The following TENM3 variants were observed in gnomAD, a reference collection of about 807,000 sequenced individuals.
The protein encoded by TENM3 is teneurin-3.
Under a neutral mutation model 255.1 loss-of-function variants are expected in TENM3, and 63 were observed. The ratio of observed to expected loss-of-function variants is 0.25; its 90% CI spans 0.20 to 0.30. The LOEUF is 0.30. Among genes scored for constraint, TENM3 ranks in the 10% least tolerant of loss-of-function variants. TENM3 has a pLI of 1.00. For missense variants in TENM3, 2,929 were observed against 3,461.1 expected (o/e 0.85, Z 3.86); for synonymous variants, 1,306 against 1,322.3 (o/e 0.99, Z 0.27).
In TENM3 at chr4:182,243,985, G is replaced by T. The variant is rs561078485; in HGVS notation, c.-76+509G>T. Among the ~76,000 whole-genome samples the T allele has an allele frequency of 2.2e-4, 26 of 116,578 alleles. No individual in the cohort carries two copies. In the South Asian group the frequency reaches 6.3e-3, roughly 28 times the overall value. The allele number at this position is 116,578 out of a possible 152,430, so 76.5% of individuals were successfully genotyped here. ...TTTTTTTTTTTTGAGACGGAATCTCGCTCTGTCGCCCAGGCTGGAGTGCAG... is the reference window on the plus strand; with the variant it reads ...TTTTTTTTTTTTGAGACGGAATCTCTCTCTGTCGCCCAGGCTGGAGTGCAG... On this transcript the variant is annotated intron_variant, in intron 1 of 27. Coordinates refer to ENST00000511685, the MANE Select transcript of TENM3 (RefSeq NM_001080477.4).
chr4:182,221,202 T>A (rs1755833479), intron 1 of TENM3, among the ~76,000 whole-genome samples: 2 of 152,242 alleles, frequency 1.3e-5, no homozygotes, highest in African/African-American at 4.8e-5. Flanking sequence ...CTTTGTTACA[T>A]GTGATAAACA....
intron 24 of TENM3, among the ~76,000 whole-genome samples, chr4:182,785,825 GGT>G (rs994541079): frequency 6.6e-6 from 1 of 150,982 alleles, no homozygotes; most frequent in Non-Finnish European, 1.5e-5. Flanking sequence ...ATAAAGATGT[GGT>G]GAAGCAAGAC....
chr4:182,673,356 G>A, intron 7 of TENM3, 137 bp downstream of exon 7: 2 of 601,376 alleles, frequency 3.3e-6, no homozygotes, highest in Non-Finnish European at 5.8e-6. Flanking sequence ...AAAGAGTTTT[G>A]AATGTAGATT....
At chr4:181,745,092 G>A in the TENM3 span, among the ~76,000 whole-genome samples, 5 of 152,222 alleles carry the variant, frequency 3.3e-5, no homozygotes, top group South Asian at 6.2e-4. Flanking sequence ...AAGGAAGATC[G>A]AGGGTTTAAA....
At chr4:181,769,023 C>T in the TENM3 span, among the ~76,000 whole-genome samples, 1 of 151,940 alleles carries the variant, frequency 6.6e-6, no homozygotes, top group African/African-American at 2.4e-5. Context: ...ATTTTTTTCT[C>T]TTTTAGCAGG....
chr4:182,590,554 A>AAG (rs1560970274), intron 3 of TENM3, among the ~76,000 whole-genome samples: 1 of 150,690 alleles, frequency 6.6e-6, no homozygotes, highest in Admixed American at 6.6e-5. Flanking sequence ...AAAAAAAAAA[A>AAG]AAAAAAAGAA....
At chr4:182,480,015 T>C (rs911622084) in intron 3 of TENM3, among the ~76,000 whole-genome samples, 1 of 152,024 alleles carries the variant, frequency 6.6e-6, no homozygotes, top group African/African-American at 2.4e-5. Flanking sequence ...AATCTATTAA[T>C]ATATTGTATT....
chr4:182,433,191 G>A (rs916132998), intron 3 of TENM3, among the ~76,000 whole-genome samples: 1 of 152,112 alleles, frequency 6.6e-6, no homozygotes, highest in Non-Finnish European at 1.5e-5. Flanking sequence ...CATGGTGAGT[G>A]GGGGAAGACA....
chr4:181,599,884 A>G, the TENM3 span, among the ~76,000 whole-genome samples: 12 of 152,158 alleles, frequency 7.9e-5, 1 homozygote, highest in South Asian at 2.5e-3. Flanking sequence ...TTGTGAATAT[A>G]TCTTACAAGC....
the TENM3 span, among the ~76,000 whole-genome samples, chr4:181,754,419 A>G: frequency 6.6e-6 from 1 of 152,032 alleles, no homozygotes; most frequent in Admixed American, 6.6e-5. Context: ...AAATACAAAC[A>G]CTATGCTTTA....
the TENM3 span, among the ~76,000 whole-genome samples, chr4:181,888,494 G>GTATATATATGTATA: frequency 0.032 from 907 of 28,108 alleles, 56 homozygotes; most frequent in South Asian, 0.066. Flanking sequence ...ATAGAAATGT[G>GTATATATATGTATA]TATATATATA....
the TENM3 span, among the ~76,000 whole-genome samples, chr4:181,816,369 A>T: frequency 3.9e-3 from 596 of 152,294 alleles, 4 homozygotes; most frequent in African/African-American, 0.014. Flanking sequence ...TATTATTAAG[A>T]ACTGGAGTCA....
At chr4:182,381,781 G>A (rs531181463) in intron 3 of TENM3, among the ~76,000 whole-genome samples, 4 of 152,198 alleles carry the variant, frequency 2.6e-5, no homozygotes, top group African/African-American at 9.6e-5. Flanking sequence ...GGCTGGTCTC[G>A]AACTCCCGAC....
chr4:182,535,783 C>T (rs567196354), intron 3 of TENM3, among the ~76,000 whole-genome samples: 57 of 150,628 alleles, frequency 3.8e-4, no homozygotes, highest in African/African-American at 1.4e-3. Flanking sequence ...GGCATTTAAT[C>T]TGTAATGAAT....
At chr4:182,214,292 C>T (rs1184103892) in intron 1 of TENM3, among the ~76,000 whole-genome samples, 6 of 151,960 alleles carry the variant, frequency 3.9e-5, no homozygotes, top group East Asian at 1.9e-4. Flanking sequence ...TTCAAGAAAG[C>T]GAAATAAATT....
At chr4:182,383,829 A>T (rs1271450620) in intron 3 of TENM3, among the ~76,000 whole-genome samples, 1 of 152,206 alleles carries the variant, frequency 6.6e-6, no homozygotes, top group Non-Finnish European at 1.5e-5. Flanking sequence ...GGAACAGAGG[A>T]GGAAACCCAG....
chr4:181,971,936 C>T, the TENM3 span, among the ~76,000 whole-genome samples: 4 of 151,974 alleles, frequency 2.6e-5, no homozygotes, highest in African/African-American at 9.7e-5. Flanking sequence ...TTAATTTGAC[C>T]ATAATAATAT....
At chr4:182,736,209 T>C (rs899853728) in intron 16 of TENM3, among the ~76,000 whole-genome samples, 18 of 152,252 alleles carry the variant, frequency 1.2e-4, no homozygotes, top group Middle Eastern at 6.8e-3. Context: ...ACCCAAACGA[T>C]TGGGTGTTTT....
At chr4:182,065,597 T>C in the TENM3 span, among the ~76,000 whole-genome samples, 53 of 152,122 alleles carry the variant, frequency 3.5e-4, no homozygotes, top group African/African-American at 1.2e-3. Context: ...CGTAATCCAA[T>C]CACCTCCCAC....
Sources: allele counts gnomAD v4.1 joint callset (sites outside exome capture counted in the v4.1 genomes callset), GRCh38; gene constraint gnomAD v4.1.1; transcripts MANE v1.5; gene names NCBI Gene and HGNC (gene_info 2026-07-23, HGNC 2026-07-21).